The following ABCC1 variants were observed in gnomAD, a reference collection of about 807,000 sequenced individuals.
ABCC1 encodes multidrug resistance-associated protein 1.
A neutral mutation model predicts 172.9 loss-of-function variants in ABCC1; 83 were observed. That is an observed-to-expected ratio of 0.48 (90% CI 0.40 to 0.58). ABCC1 has a LOEUF of 0.58. Among genes scored for constraint, ABCC1 ranks in the 20% least tolerant of loss-of-function variants. The pLI is 0.00. For synonymous variants in ABCC1, 937 were observed against 825.2 expected, an observed-to-expected ratio of 1.14 and a Z score of -2.32; for missense variants, 1,817 against 2,002.7, an observed-to-expected ratio of 0.91 and a Z score of 1.77.
intron 6 of ABCC1, 89 bp from the exon 7 acceptor site, chr16:16,036,383 C>A: frequency 1.6e-6 from 2 of 1,267,136 alleles, no homozygotes; most frequent in Non-Finnish European, 2.2e-6. Flanking sequence ...GGAGCAGCAT[C>A]AGCAGGCGTG....
intron 1 of ABCC1, among the ~76,000 whole-genome samples, chr16:15,995,463 A>C (rs957680086): frequency 2.6e-5 from 4 of 151,986 alleles, no homozygotes. Context: ...ATTATGCTTC[A>C]CCCACTTTCT....
chr16:16,082,899 T>C (rs6498599), intron 16 of ABCC1, among the ~76,000 whole-genome samples: 127,541 of 152,164 alleles, frequency 0.84, 53,550 homozygotes, highest in African/African-American at 0.85. Flanking sequence ...CTGCCTGCCT[T>C]GGCCTCCCAA....
intron 3 of ABCC1, among the ~76,000 whole-genome samples, chr16:16,010,812 A>G (rs1256589831): frequency 6.6e-6 from 1 of 152,166 alleles, no homozygotes; most frequent in African/African-American, 2.4e-5. Flanking sequence ...CCTGCTCAAG[A>G]TCACACCACT....
At chr16:16,074,331 C>T (rs1304595794) in intron 14 of ABCC1, among the ~76,000 whole-genome samples, 1 of 152,176 alleles carries the variant, frequency 6.6e-6, no homozygotes, top group Non-Finnish European at 1.5e-5. Flanking sequence ...CCCAACACTC[C>T]TGGGCTGTGG....
At chr16:16,116,108 G>A (rs1283618934) in intron 23 of ABCC1, among the ~76,000 whole-genome samples, 1 of 152,046 alleles carries the variant, frequency 6.6e-6, no homozygotes, top group African/African-American at 2.4e-5. Context: ...GTTTCACCAT[G>A]TTAGCCAGGA....
chr16:16,071,526 A>G (rs950902468), intron 13 of ABCC1, 116 bp from the exon 14 acceptor site: 1 of 718,858 alleles, frequency 1.4e-6, no homozygotes, highest in African/African-American at 1.8e-5. Context: ...ACCTTCAGAA[A>G]TAAGGGAGGG....
intron 1 of ABCC1, among the ~76,000 whole-genome samples, chr16:15,956,626 T>C (rs561290600): frequency 6.6e-6 from 1 of 152,212 alleles, no homozygotes; most frequent in African/African-American, 2.4e-5. Flanking sequence ...CGTGAGCCAC[T>C]GCACTTGGCC....
chr16:16,103,377 G>A (rs1251106303), intron 20 of ABCC1, among the ~76,000 whole-genome samples: 2 of 151,960 alleles, frequency 1.3e-5, no homozygotes, highest in East Asian at 3.9e-4. Flanking sequence ...GACAGGAGTT[G>A]AAGACCAGCC....
chr16:16,098,616 CACAA>C (rs764718898), intron 19 of ABCC1, among the ~76,000 whole-genome samples: 31 of 152,178 alleles, frequency 2.0e-4, no homozygotes, highest in Admixed American at 1.6e-3. Flanking sequence ...GAAACTCTGT[CACAA>C]ACAAACAAAC....
chr16:16,048,061 T>C, intron 9 of ABCC1, 81 bp from the exon 10 acceptor site: 1 of 1,511,040 alleles, frequency 6.6e-7, no homozygotes, highest in African/African-American at 1.4e-5. Context: ...GAGAGTCTCC[T>C]TCCTCTCCGT....
rs772775498 is a variant in ABCC1, at chr16:16,136,630, C to T, written c.4278C>T (p.Gly1426=). ...PDKLDHECAE[G]GENLSVGQRQ... ...AGCTAGACCATGAATGTGCAGAAGG[C>T]GGGGAGAACCTCAGGTAGGCGGGGG... Residue 1426 remains glycine (G), a synonymous_variant, in exon 29 of 31, where the codon GGC becomes GGT. Coordinates refer to ENST00000399410, the MANE Select transcript of ABCC1 (RefSeq NM_004996.4). 14 of 1,613,910 alleles carry T rather than the reference C, an allele frequency of 8.7e-6. No individual in the cohort carries two copies. The highest frequency in any genetic ancestry group is 4.5e-5 in the East Asian group (2 of 44,852).
At chr16:15,981,775 G>A (rs2046625549) in intron 1 of ABCC1, among the ~76,000 whole-genome samples, 1 of 152,192 alleles carries the variant, frequency 6.6e-6, no homozygotes. Flanking sequence ...AATTTCTGCA[G>A]CAGGCTTGAA....
chr16:16,117,774 C>T (rs1348858177), intron 23 of ABCC1, among the ~76,000 whole-genome samples: 1 of 152,164 alleles, frequency 6.6e-6, no homozygotes, highest in East Asian at 1.9e-4. Flanking sequence ...GGTGTGGTGG[C>T]ATGTGCCTAT....
intron 18 of ABCC1, among the ~76,000 whole-genome samples, chr16:16,087,488 G>C (rs527541911): frequency 1.2e-4 from 18 of 151,856 alleles, no homozygotes; most frequent in African/African-American, 4.4e-4. Flanking sequence ...GTGGAGTTTC[G>C]CTACTGTTGC....
intron 1 of ABCC1, among the ~76,000 whole-genome samples, chr16:15,961,770 A>C (rs974612088): frequency 2.1e-5 from 3 of 141,674 alleles, no homozygotes; most frequent in East Asian, 2.0e-4. Context: ...AATCAAATCA[A>C]CTTTTTTTTT....
At chr16:16,053,706 G>T (rs2151907287) in intron 11 of ABCC1, among the ~76,000 whole-genome samples, 2 of 130,058 alleles carry the variant, frequency 1.5e-5, no homozygotes, top group Admixed American at 2.0e-4. Context: ...AGGATCACCT[G>T]AACCCAGGAG....
intron 20 of ABCC1, among the ~76,000 whole-genome samples, chr16:16,103,717 G>A (rs1013452650): frequency 6.6e-6 from 1 of 152,190 alleles, no homozygotes; most frequent in African/African-American, 2.4e-5. Context: ...TGCTACAGGG[G>A]TCAGGAGAGA....
chr16:15,999,809 C>CTCTCTCTCTCTCTCTCTCTCTCCCCT (rs374395529), intron 1 of ABCC1, among the ~76,000 whole-genome samples: 2 of 8,360 alleles, frequency 2.4e-4, no homozygotes, highest in Non-Finnish European at 3.1e-4. Context: ...CTCTCTCTCT[C>CTCTCTCTCTCTCTCTCTCTCTCCCCT]CTCTCTCTCT....
intron 1 of ABCC1, among the ~76,000 whole-genome samples, chr16:16,006,906 GTGATGA>G (rs1219472223): frequency 3.3e-5 from 4 of 119,880 alleles, no homozygotes; most frequent in Non-Finnish European, 3.8e-5. Context: ...GGTGGCGATG[GTGATGA>G]TGATGGTGGT....
Sources: gnomAD v4.1 joint callset for allele counts (sites outside exome capture counted in the v4.1 genomes callset) on GRCh38, gnomAD v4.1.1 for gene constraint, MANE v1.5 for transcripts, NCBI Gene and HGNC (gene_info 2026-07-23, HGNC 2026-07-21) for gene names.